C2CD2: variants seen among roughly 807,000 people sequenced by gnomAD.
C2CD2 encodes the protein C2 calcium dependent domain containing 2.
A neutral mutation model predicts 74.3 loss-of-function variants in C2CD2; 43 were observed. The observed-to-expected ratio is 0.58, with a 90% CI of 0.45 to 0.75. The LOEUF (loss-of-function observed/expected upper bound fraction) is 0.75, where lower values mean the gene tolerates loss of function less well. Among genes scored for constraint, C2CD2 ranks in the 30% least tolerant of loss-of-function variants. The pLI, the probability that C2CD2 is intolerant of heterozygous loss-of-function variation, is 0.00. For missense variants in C2CD2, 801 were observed against 916.3 expected (o/e 0.87, Z 1.63); for synonymous variants, 422 against 390.7 (o/e 1.08, Z -0.94).
chr21:41,899,581 A>G lies in C2CD2; in HGVS notation c.1561-219T>C, dbSNP rs912224456. Among the ~76,000 whole-genome samples the G allele has an allele frequency of 6.6e-6, 1 of 152,124 alleles. No individual in the cohort carries two copies. Among genetic ancestry groups the G allele is most frequent in the African/African-American group, 2.4e-5 (1 of 41,434 alleles). On this transcript the variant is annotated intron_variant, in intron 12 of 13. Transcript: ENST00000380486. This position sits in a 1 kb window ranked among gnomAD's most constrained non-coding sequence, Gnocchi z 4.4. ...CAGCCAGGGCTCAGGATCCCTAGGCAGCTGGGGGTTGGCCCCCGGGGCTCA... is the reference window on the plus strand; with the variant it reads ...CAGCCAGGGCTCAGGATCCCTAGGCGGCTGGGGGTTGGCCCCCGGGGCTCA...
In C2CD2 at chr21:41,922,104, AG is replaced by A. The variant is rs770129764; in HGVS notation, c.379-20del. 1.4e-6 allele frequency: 2 copies of A among 1,468,614 alleles called. No individual in the cohort carries two copies. Among genetic ancestry groups the A allele is most frequent in the African/African-American group, 2.8e-5 (2 of 72,188 alleles). 91.0% of individuals were successfully genotyped at this position (1,468,614 alleles called of 1,614,324 possible). On this transcript the variant is annotated intron_variant, in intron 2 of 13. Transcript: ENST00000380486. ...CCACCACCTGGAGGAGGCACAGGTA[AG>A]GGAGAAAACTGTATCCAAAACAAAG...
intron 2 of C2CD2, among the ~76,000 whole-genome samples, chr21:41,925,433 G>C (rs140104171): frequency 1.6e-3 from 250 of 152,274 alleles, no homozygotes; most frequent in Non-Finnish European, 3.0e-3. Flanking sequence ...GCAGTGAGCC[G>C]TGATTGTGCC....
chr21:41,931,761 A>G (rs1478039753), intron 2 of C2CD2, among the ~76,000 whole-genome samples: 2 of 149,128 alleles, frequency 1.3e-5, no homozygotes, highest in African/African-American at 4.9e-5. Flanking sequence ...GTTGGGGGGG[A>G]CCCCAGATAG....
intron 9 of C2CD2, 76 bp downstream of exon 9, chr21:41,907,583 TG>T: frequency 6.7e-7 from 1 of 1,498,740 alleles, no homozygotes; most frequent in Non-Finnish European, 9.0e-7. Flanking sequence ...AGTGAGACTC[TG>T]CAGACATAAG....
intron 11 of C2CD2, among the ~76,000 whole-genome samples, chr21:41,904,938 T>C (rs796113791): frequency 1.3e-5 from 2 of 150,000 alleles, no homozygotes; most frequent in South Asian, 4.2e-4. Context: ...CTTCAAAAAG[T>C]CTATTACCTG....
chr21:41,923,925 A>C lies in C2CD2; in HGVS notation c.379-1840T>G, dbSNP rs1181971321. On this transcript the variant is annotated intron_variant, in intron 2 of 13. Transcript: ENST00000380486. The surrounding 1 kb of genome is among the most constrained non-coding windows in gnomAD (Gnocchi z 5.8). Reference sequence around the variant, plus strand: ...GAGGAGGAGAGGGGAGGCCAGGGGCACAGTGGGCTGGACCACAGGGCAGGC... The same window carrying C: ...GAGGAGGAGAGGGGAGGCCAGGGGCCCAGTGGGCTGGACCACAGGGCAGGC... 6.6e-6 allele frequency among the ~76,000 whole-genome samples: 1 copy of C among 152,128 alleles called. No homozygotes were observed. Among genetic ancestry groups the C allele is most frequent in the East Asian group, 1.9e-4 (1 of 5,190 alleles).
At chr21:41,938,126 T>C (rs2065323676) in intron 2 of C2CD2, among the ~76,000 whole-genome samples, 1 of 152,088 alleles carries the variant, frequency 6.6e-6, no homozygotes, top group Non-Finnish European at 1.5e-5. Context: ...ATGGTAAGTA[T>C]GTGACATCAT....
intron 6 of C2CD2, 53 bp from the exon 7 acceptor site, chr21:41,912,493 ATTTT>A (rs71319914): frequency 6.5e-5 from 39 of 599,756 alleles, no homozygotes; most frequent in East Asian, 1.3e-4. Context: ...TTATTTATTT[ATTTT>A]TTTTTTTTTT....
intron 1 of C2CD2, among the ~76,000 whole-genome samples, chr21:41,944,957 C>T (rs1333719677): frequency 3.9e-5 from 6 of 152,184 alleles, no homozygotes; most frequent in Non-Finnish European, 7.3e-5. Flanking sequence ...AATATAACCA[C>T]ACTGAAGGGG....
intron 1 of C2CD2, among the ~76,000 whole-genome samples, chr21:41,951,544 CAGAG>C (rs201357170): frequency 6.6e-6 from 1 of 152,144 alleles, no homozygotes; most frequent in South Asian, 2.1e-4. Context: ...TGGCCAACAG[CAGAG>C]AGAGAACAGA....
At chr21:41,953,325 G>A (rs1375879682) in intron 1 of C2CD2, 45 bp downstream of exon 1, 10 of 1,312,362 alleles carry the variant, frequency 7.6e-6, no homozygotes, top group African/African-American at 1.6e-5. Flanking sequence ...CGGACCGCCC[G>A]CCCCGGCATC....
rs373717392 is a variant in C2CD2, at chr21:41,912,969, C to T, written c.845-529G>A. On this transcript the variant is annotated intron_variant, in intron 6 of 13. Transcript: ENST00000380486. Reference sequence around the variant, plus strand: ...AGTAATTTTTTCCCACATTTGATATCAACAGCCAAGGGCTGTTGACCCCAA... The same window carrying T: ...AGTAATTTTTTCCCACATTTGATATTAACAGCCAAGGGCTGTTGACCCCAA... Among the ~76,000 whole-genome samples the T allele has an allele frequency of 3.3e-3, 499 of 152,316 alleles. 2 individuals carry two copies. Among genetic ancestry groups the T allele is most frequent in the African/African-American group, 0.011 (476 of 41,568 alleles).
chr21:41,901,611 C>T lies in C2CD2; in HGVS notation c.1560+11G>A. Reference sequence around the variant, plus strand: ...ACCAGATGAACACCTCCCCAGCCACCACGATGGTACCTTGGAGATCCCTGA... The same window carrying T: ...ACCAGATGAACACCTCCCCAGCCACTACGATGGTACCTTGGAGATCCCTGA... On this transcript the variant is annotated intron_variant, in intron 12 of 13. Coordinates refer to ENST00000380486, the MANE Select transcript of C2CD2 (RefSeq NM_015500.2). 1.2e-6 allele frequency: 2 copies of T among 1,614,148 alleles called. No homozygotes were observed. The highest frequency in any genetic ancestry group is 1.7e-6 in the Non-Finnish European group (2 of 1,179,978).
chr21:41,948,368 A>G (rs2065419779), intron 1 of C2CD2, among the ~76,000 whole-genome samples: 1 of 152,144 alleles, frequency 6.6e-6, no homozygotes, highest in Non-Finnish European at 1.5e-5. Flanking sequence ...TGACCAGGGC[A>G]TAAGTGACTC....
Position 41,945,286 on chromosome 21 carries a change from C to T in C2CD2, c.280-3041G>A, listed in dbSNP as rs965065009. Among the ~76,000 whole-genome samples, 17 of 152,120 alleles carry T rather than the reference C, an allele frequency of 1.1e-4. No homozygotes were observed. The highest frequency in any genetic ancestry group is 2.4e-4 in the Non-Finnish European group (16 of 68,030). On this transcript the variant is annotated intron_variant, in intron 1 of 13. Coordinates refer to ENST00000380486, the MANE Select transcript of C2CD2 (RefSeq NM_015500.2). The surrounding 1 kb of genome is among the most constrained non-coding windows in gnomAD (Gnocchi z 4.2). ...AGAAATACACAGAAATATAGACATG[C>T]GCACACACGTTGGTATACACACGTA...
chr21:41,907,192 T>C (rs548596062), intron 9 of C2CD2, 26 bp from the exon 10 acceptor site: 2 of 1,609,508 alleles, frequency 1.2e-6, no homozygotes, highest in South Asian at 2.2e-5. Flanking sequence ...GTTACTTGTT[T>C]CTGGTTTTGT....
rs1380855353 is a variant in C2CD2, at chr21:41,887,224, T to TG, written c.*1899dup. Reference sequence around the variant, plus strand: ...CCCATCTGTCCCAAAAGACTAACAGTGATGCCTGACTTTGGGGACAGAAAC... The same window carrying TG: ...CCCATCTGTCCCAAAAGACTAACAGTGGATGCCTGACTTTGGGGACAGAAAC... On this transcript the variant is annotated 3_prime_UTR_variant, in exon 14 of 14. Transcript: ENST00000380486. The TG allele has an allele frequency of 2.0e-5, 3 of 152,190 alleles. No individual in the cohort carries two copies. Among genetic ancestry groups the TG allele is most frequent in the African/African-American group, 7.2e-5 (3 of 41,438 alleles). 9.4% of individuals were successfully genotyped at this position (152,190 alleles called of 1,614,324 possible).
In C2CD2 at chr21:41,886,455, AC is replaced by A; in HGVS notation, c.*2668del. Reference sequence around the variant, plus strand: ...ACAGTATCAATACAGCCCATTTCTCACGGTGCTACCCTGAAGCTAGCCGACG... The same window carrying A: ...ACAGTATCAATACAGCCCATTTCTCAGGTGCTACCCTGAAGCTAGCCGACG... On this transcript the variant is annotated 3_prime_UTR_variant, in exon 14 of 14. Coordinates refer to ENST00000380486, the MANE Select transcript of C2CD2 (RefSeq NM_015500.2). 1 of 152,180 alleles carries A rather than the reference AC, an allele frequency of 6.6e-6. No individual in the cohort carries two copies. Among genetic ancestry groups the A allele is most frequent in the Non-Finnish European group, 1.5e-5 (1 of 68,048 alleles). 9.4% of individuals were successfully genotyped at this position (152,180 alleles called of 1,614,324 possible).
chr21:41,916,719 T>C (rs2065096443), intron 5 of C2CD2, among the ~76,000 whole-genome samples: 1 of 152,058 alleles, frequency 6.6e-6, no homozygotes, highest in Non-Finnish European at 1.5e-5. Context: ...CCATTGGTTC[T>C]GTTTCTCTGG....
Sources: gnomAD v4.1 joint callset for allele counts (sites outside exome capture counted in the v4.1 genomes callset) on GRCh38, gnomAD v4.1.1 for gene constraint, Gnocchi (gnomAD v3.1) non-coding constraint, MANE v1.5 for transcripts, NCBI Gene and HGNC (gene_info 2026-07-23, HGNC 2026-07-21) for gene names.